Variants in B4GALT5 observed in about 807,000 individuals in gnomAD.
B4GALT5 encodes the protein beta-1,4-galactosyltransferase 5.
Under a neutral mutation model 45.0 loss-of-function variants are expected in B4GALT5, and 11 were observed. That is an observed-to-expected ratio of 0.24 (90% CI 0.15 to 0.40). The LOEUF (loss-of-function observed/expected upper bound fraction) is 0.40, where lower values mean the gene tolerates loss of function less well. Ranked by LOEUF, B4GALT5 falls within the 10% of genes least tolerant of loss-of-function variation. B4GALT5 has a pLI of 1.00. For synonymous variants in B4GALT5, 185 were observed against 182.9 expected, an observed-to-expected ratio of 1.01 and a Z score of -0.09; for missense variants, 337 against 500.2, an observed-to-expected ratio of 0.67 and a Z score of 3.11.
chr20:49,667,446 G>A (rs1304471065), intron 1 of B4GALT5, among the ~76,000 whole-genome samples: 5 of 152,056 alleles, frequency 3.3e-5, no homozygotes, highest in Non-Finnish European at 7.4e-5. Context: ...GTAGAGACGG[G>A]GTTTCACTGT....
At chr20:49,656,478 C>T (rs544278162) in intron 2 of B4GALT5, 90 bp downstream of exon 2, 1 of 1,527,178 alleles carries the variant, frequency 6.5e-7, no homozygotes, top group Non-Finnish European at 9.0e-7. Flanking sequence ...TTACAATGCG[C>T]TTTTCCCATT....
At chr20:49,696,994 T>C (rs908721939) in intron 1 of B4GALT5, among the ~76,000 whole-genome samples, 2 of 152,182 alleles carry the variant, frequency 1.3e-5, no homozygotes, top group Non-Finnish European at 2.9e-5. Flanking sequence ...ATTATACAAC[T>C]AATTAATACC....
chr20:49,671,584 GT>G (rs554443323), intron 1 of B4GALT5, among the ~76,000 whole-genome samples: 3 of 152,124 alleles, frequency 2.0e-5, no homozygotes, highest in South Asian at 4.1e-4. Flanking sequence ...GATGTTCAGT[GT>G]TTTTTATCTC....
intron 1 of B4GALT5, among the ~76,000 whole-genome samples, chr20:49,688,019 G>C (rs956442385): frequency 6.6e-6 from 1 of 152,114 alleles, no homozygotes; most frequent in African/African-American, 2.4e-5. Flanking sequence ...GCCCCTCAGG[G>C]AATCTGCCAA....
chr20:49,657,676 G>A (rs1260012487), intron 1 of B4GALT5, among the ~76,000 whole-genome samples: 3 of 152,138 alleles, frequency 2.0e-5, no homozygotes, highest in East Asian at 3.9e-4. Flanking sequence ...TCATCTAACC[G>A]CTTGGCTAAC....
chr20:49,692,337 C>T (rs1007295806), intron 1 of B4GALT5, among the ~76,000 whole-genome samples: 14 of 150,944 alleles, frequency 9.3e-5, no homozygotes, highest in Admixed American at 7.9e-4. Flanking sequence ...CATGGTGGCG[C>T]GTGCCTGTAG....
intron 1 of B4GALT5, among the ~76,000 whole-genome samples, chr20:49,662,792 G>A (rs1431319129): frequency 6.6e-6 from 1 of 152,026 alleles, no homozygotes; most frequent in Admixed American, 6.6e-5. Context: ...TAATGCACAA[G>A]TTTATTCAAA....
At chr20:49,663,077 C>T (rs1175008617) in intron 1 of B4GALT5, among the ~76,000 whole-genome samples, 1 of 152,208 alleles carries the variant, frequency 6.6e-6, no homozygotes, top group African/African-American at 2.4e-5. Flanking sequence ...GAATCTCTCA[C>T]ACTTTATGTG....
Position 49,636,351 on chromosome 20 carries a change from G to T in B4GALT5, c.1128C>A (p.Val376=). 3 of 1,614,150 alleles carry T rather than the reference G, an allele frequency of 1.9e-6. No individual in the cohort carries two copies. The highest frequency in any genetic ancestry group is 2.7e-5 in the African/African-American group (2 of 75,028). Residue 376 remains valine (V), a synonymous_variant, in exon 9 of 9, where the codon GTC becomes GTA. Coordinates refer to ENST00000371711, the MANE Select transcript of B4GALT5 (RefSeq NM_004776.4). ...TYDALYKNIT[V]NLTPELAQVN... is the part of the protein sequence containing the mutation. Reference sequence around the variant, plus strand: ...CCTGAGCCAGCTCGGGTGTCAGGTTGACAGTTATGTTTTTATACAAGGCGT... The same window carrying T: ...CCTGAGCCAGCTCGGGTGTCAGGTTTACAGTTATGTTTTTATACAAGGCGT...
chr20:49,668,920 G>A (rs2085704010), intron 1 of B4GALT5, among the ~76,000 whole-genome samples: 1 of 151,944 alleles, frequency 6.6e-6, no homozygotes, highest in African/African-American at 2.4e-5. Context: ...GGATTGCAGT[G>A]GCACAAACAC....
intron 1 of B4GALT5, among the ~76,000 whole-genome samples, chr20:49,684,776 AG>A (rs2085778758): frequency 6.6e-6 from 1 of 152,232 alleles, no homozygotes; most frequent in Admixed American, 6.5e-5. Flanking sequence ...CGGTAGGATT[AG>A]AGTTTCACTC....
chr20:49,648,146 A>C (rs1421481182), intron 2 of B4GALT5, among the ~76,000 whole-genome samples: 1 of 152,094 alleles, frequency 6.6e-6, no homozygotes, highest in East Asian at 1.9e-4. Flanking sequence ...TGGTATCTCC[A>C]GTGTCAATAT....
intron 1 of B4GALT5, among the ~76,000 whole-genome samples, chr20:49,679,464 C>A (rs931898760): frequency 6.6e-6 from 1 of 151,278 alleles, no homozygotes; most frequent in African/African-American, 2.4e-5. Flanking sequence ...GTCAGAAGTT[C>A]GAGACCAGCC....
At chr20:49,643,963 C>G (rs978002836) in intron 3 of B4GALT5, among the ~76,000 whole-genome samples, 4 of 112,452 alleles carry the variant, frequency 3.6e-5, no homozygotes, top group African/African-American at 1.4e-4. Flanking sequence ...CAGTCTCGCT[C>G]TGTTGCCCGG....
At chr20:49,661,347 G>A (rs1210488477) in intron 1 of B4GALT5, among the ~76,000 whole-genome samples, 1 of 152,094 alleles carries the variant, frequency 6.6e-6, no homozygotes, top group East Asian at 1.9e-4. Flanking sequence ...CGATTCTTCT[G>A]CCTCAGCCTC....
intron 1 of B4GALT5, among the ~76,000 whole-genome samples, chr20:49,657,851 C>T (rs1049266143): frequency 2.0e-5 from 3 of 152,100 alleles, no homozygotes; most frequent in African/African-American, 7.2e-5. Context: ...GAATAATGGA[C>T]GAAGCTTAGA....
intron 1 of B4GALT5, among the ~76,000 whole-genome samples, chr20:49,673,902 T>C (rs2085726070): frequency 6.6e-6 from 1 of 151,958 alleles, no homozygotes; most frequent in Non-Finnish European, 1.5e-5. Context: ...TTTATTGTGT[T>C]ATTCTTGCAA....
At chr20:49,699,674 C>T (rs1431464060) in intron 1 of B4GALT5, among the ~76,000 whole-genome samples, 1 of 152,112 alleles carries the variant, frequency 6.6e-6, no homozygotes, top group Non-Finnish European at 1.5e-5. Flanking sequence ...AACTTGGGGA[C>T]CCCAAACCCA....
chr20:49,703,092 C>T (rs753312199), intron 1 of B4GALT5, among the ~76,000 whole-genome samples: 2 of 145,500 alleles, frequency 1.4e-5, no homozygotes, highest in African/African-American at 2.6e-5. Context: ...GAGAATGGCA[C>T]GAACCCGGGA....
Sources: gnomAD v4.1 joint callset for allele counts (sites outside exome capture counted in the v4.1 genomes callset) on GRCh38, gnomAD v4.1.1 for gene constraint, MANE v1.5 for transcripts, NCBI Gene and HGNC (gene_info 2026-07-23, HGNC 2026-07-21) for gene names.